Variants in SH3YL1 observed in about 807,000 individuals in gnomAD.
The protein encoded by SH3YL1 is SH3 domain-containing YSC84-like protein 1.
Under a neutral mutation model 45.8 loss-of-function variants are expected in SH3YL1, and 41 were observed. The observed-to-expected ratio is 0.89, with a 90% confidence interval of 0.70 to 1.16. The LOEUF (loss-of-function observed/expected upper bound fraction) is 1.16. Ranked by LOEUF, SH3YL1 falls within the 50% of genes most tolerant of loss-of-function variation. The pLI, the probability that SH3YL1 is intolerant of heterozygous loss-of-function variation, is 0.00. For missense variants in SH3YL1, 389 were observed against 409.6 expected (o/e 0.95, Z 0.43); for synonymous variants, 152 against 151.4 (o/e 1.00, Z -0.03).
intron 4 of SH3YL1, chr2:239,702 A>G (rs572948896): frequency 6.6e-6 from 1 of 152,224 alleles, no homozygotes; most frequent in Non-Finnish European, 1.5e-5. Context: ...GTATCTACAA[A>G]TCAGAATGAC....
chr2:222,837 C>T (rs1163182073), intron 9 of SH3YL1: 1 of 152,206 alleles, frequency 6.6e-6, no homozygotes, highest in Non-Finnish European at 1.5e-5. Context: ...CAGTGTCCTG[C>T]TTCATCAGGT....
Position 254,653 on chromosome 2 carries a change from G to C in SH3YL1, c.2-1538C>G, listed in dbSNP as rs971828154. ...ACTGAGCCAAGGGAAAAGTCAAGCT[G>C]GGAACTCTGTGAGGCAAACCTGCCT... On this transcript the variant is annotated intron_variant, in intron 1 of 9. Transcript: ENST00000356150. 3.3e-4 allele frequency among the ~76,000 whole-genome samples: 50 copies of C among 152,300 alleles called. 2 individuals carry two copies. Among genetic ancestry groups the C allele is most frequent in the Non-Finnish European group, 1.9e-4 (13 of 68,016 alleles).
chr2:262,041 T>C (rs1669607969), intron 1 of SH3YL1, among the ~76,000 whole-genome samples: 1 of 152,232 alleles, frequency 6.6e-6, no homozygotes, highest in Non-Finnish European at 1.5e-5. Flanking sequence ...TAAAGGTATA[T>C]TTAGAATAAA....
At chr2:223,687 T>C (rs993434450) in intron 9 of SH3YL1, among the ~76,000 whole-genome samples, 62 of 152,354 alleles carry the variant, frequency 4.1e-4, no homozygotes, top group African/African-American at 1.5e-3. Flanking sequence ...TAACATGGCC[T>C]GTAACATGGG....
chr2:228,721 A>G (rs569809342), intron 8 of SH3YL1, among the ~76,000 whole-genome samples: 8 of 152,314 alleles, frequency 5.3e-5, no homozygotes, highest in Admixed American at 2.0e-4. Flanking sequence ...AACAGGAGAC[A>G]GACGCAGGGG....
intron 4 of SH3YL1, among the ~76,000 whole-genome samples, chr2:238,041 A>G (rs1668382316): frequency 6.6e-6 from 1 of 152,116 alleles, no homozygotes; most frequent in African/African-American, 2.4e-5. Flanking sequence ...ACACCCACAC[A>G]GCTGAGTCCC....
At position 224,974 on chromosome 2, in the gene SH3YL1, C is replaced by T. The variant is rs895499329; in HGVS notation, c.782-54G>A. The T allele has an allele frequency of 2.9e-5, 39 of 1,334,098 alleles. No homozygotes were observed. In the East Asian group the frequency reaches 8.7e-4, roughly 30 times the overall value. 82.6% of individuals were successfully genotyped at this position (1,334,098 alleles called of 1,614,324 possible). ...TGAAAACTGATTAGTATATATCATA[C>T]AAAATACACAAAATTGCCAGATCCT... On this transcript the variant is annotated intron_variant, in intron 8 of 9. Transcript: ENST00000356150.
At chr2:234,364 C>A (rs1668192311) in intron 4 of SH3YL1, 92 bp from the exon 5 acceptor site, 4 of 869,232 alleles carry the variant, frequency 4.6e-6, no homozygotes, top group South Asian at 1.7e-5. Context: ...ACCATATGCA[C>A]TGTAGCAAAA....
At chr2:232,238 C>CTT (rs111324791) in intron 6 of SH3YL1, among the ~76,000 whole-genome samples, 1 of 142,232 alleles carries the variant, frequency 7.0e-6, no homozygotes, top group African/African-American at 2.6e-5. Flanking sequence ...CTTCCAGATT[C>CTT]TTTTTTTTTT....
intron 4 of SH3YL1, chr2:241,260 C>T (rs1166151254): frequency 6.6e-6 from 1 of 152,048 alleles, no homozygotes; most frequent in Non-Finnish European, 1.5e-5. Flanking sequence ...GTAAAAAGTA[C>T]ATTAAGCAAC....
chr2:229,088 C>T (rs140377911), intron 8 of SH3YL1, among the ~76,000 whole-genome samples: 17 of 152,262 alleles, frequency 1.1e-4, no homozygotes, highest in Middle Eastern at 3.4e-3. Flanking sequence ...AACAGTCAAT[C>T]ATCACATGAA....
In SH3YL1 at chr2:230,050, A is replaced by G; in HGVS notation, c.703-6T>C. 1 of 1,589,902 alleles carries G rather than the reference A, an allele frequency of 6.3e-7. No individual in the cohort carries two copies. The highest frequency in any genetic ancestry group is 8.6e-7 in the Non-Finnish European group (1 of 1,167,834). ...TTTGGAGGTAATTCTTTAGCCTGGG[A>G]GAAACAAAAAGATAAATACACATAA... On this transcript the variant is annotated splice_polypyrimidine_tract_variant and splice_region_variant and intron_variant, in intron 7 of 9. Transcript: ENST00000356150.
At chr2:252,364 G>A (rs915685264) in intron 2 of SH3YL1, among the ~76,000 whole-genome samples, 1 of 152,204 alleles carries the variant, frequency 6.6e-6, no homozygotes. Context: ...AGAGTTCTTA[G>A]CACGCGATGC....
chr2:262,797 C>A (rs1458877258), intron 1 of SH3YL1: 3 of 914,694 alleles, frequency 3.3e-6, no homozygotes, highest in South Asian at 1.9e-5. Context: ...CTAAACAGAA[C>A]AAAAGTATCA....
chr2:262,778 A>T, intron 1 of SH3YL1: 1 of 1,103,290 alleles, frequency 9.1e-7, no homozygotes, highest in South Asian at 1.5e-5. Context: ...TCTTGAGAAT[A>T]AAGTTTTCCT....
At chr2:222,507 G>A (rs1667621964) in intron 9 of SH3YL1, 1 of 152,300 alleles carries the variant, frequency 6.6e-6, no homozygotes, top group South Asian at 2.1e-4. Context: ...TAAATTGTGT[G>A]TAGTGCCCAG....
intron 1 of SH3YL1, chr2:263,684 T>C (rs994927463): frequency 1.1e-5 from 4 of 376,394 alleles, no homozygotes; most frequent in Non-Finnish European, 1.9e-5. Context: ...GGATGGTCGC[T>C]GACACCTCGC....
chr2:230,765 T>A (rs1271928333), intron 7 of SH3YL1: 1 of 418,308 alleles, frequency 2.4e-6, no homozygotes, highest in Non-Finnish European at 4.3e-6. Flanking sequence ...TGCCTCAGCC[T>A]CCCACATATT....
At chr2:245,391 A>C (rs894242637) in intron 4 of SH3YL1, among the ~76,000 whole-genome samples, 1 of 152,358 alleles carries the variant, frequency 6.6e-6, no homozygotes, top group African/African-American at 2.4e-5. Flanking sequence ...CTTTGCAATA[A>C]AAAGTTTCTG....
Sources: allele counts gnomAD v4.1 joint callset (sites outside exome capture counted in the v4.1 genomes callset), GRCh38; gene constraint gnomAD v4.1.1; transcripts MANE v1.5; gene names NCBI Gene and HGNC (gene_info 2026-07-23, HGNC 2026-07-21).